The following COA1 variants were observed in gnomAD, a reference collection of about 807,000 sequenced individuals.
COA1 encodes the protein cytochrome c oxidase assembly factor 1 homolog.
Under a neutral mutation model 16.0 loss-of-function variants are expected in COA1, and 13 were observed. The ratio of observed to expected loss-of-function variants is 0.81; its 90% CI spans 0.53 to 1.29. The LOEUF is 1.29. Ranked by LOEUF, COA1 falls within the 50% of genes most tolerant of loss-of-function variation. COA1 has a pLI of 0.00. For synonymous variants in COA1, 65 were observed against 65.7 expected (o/e 0.99, Z 0.05); for missense variants, 179 against 177.0 (o/e 1.01, Z -0.06).
At chr7:43,692,322 C>T (rs182613768) in intron 1 of COA1, among the ~76,000 whole-genome samples, 225 of 152,260 alleles carry the variant, frequency 1.5e-3, no homozygotes, top group African/African-American at 5.0e-3. Flanking sequence ...AGTTCAAGAC[C>T]AGCCTACGCA....
rs34433297 is a variant in COA1 at position 43,708,459 on chromosome 7, T to TA, written c.-39+20969dup. 2.5e-3 allele frequency among the ~76,000 whole-genome samples: 360 copies of TA among 142,798 alleles called. 1 individual carries two copies. The highest frequency in any genetic ancestry group is 0.011 in the Middle Eastern group (3 of 282). The allele number at this position is 142,798 out of a possible 152,430, so 93.7% of individuals were successfully genotyped here. A position where few individuals can be genotyped will look rare whatever the true frequency, so the allele number is the denominator to read the frequency against. ...CTGGGTAACAAAGCAAGACCTTTTC[T>TA]AAAAAAAAAAAAAAATTCCTTGCTC... On this transcript the variant is annotated intron_variant, in intron 1 of 5. Coordinates refer to ENST00000223336, the MANE Select transcript of COA1 (RefSeq NM_018224.4).
intron 1 of COA1, among the ~76,000 whole-genome samples, chr7:43,658,307 C>T (rs1425113753): frequency 1.3e-5 from 2 of 151,264 alleles, no homozygotes; most frequent in Non-Finnish European, 2.9e-5. Flanking sequence ...TGCAGTGAGC[C>T]GAGATTGCGC....
At chr7:43,643,731 T>C (rs955416139) in intron 4 of COA1, among the ~76,000 whole-genome samples, 1 of 152,230 alleles carries the variant, frequency 6.6e-6, no homozygotes, top group Non-Finnish European at 1.5e-5. Context: ...TGCACACCAG[T>C]GTGGCCACAT....
rs943377521 is a variant in COA1, at chr7:43,698,641, T to C, written c.-39+30788A>G. ...TGAGCCAACAGTGACGCCAGCCAACTAGCTCTGACAACCTTATTATGCTAA... is the reference window on the plus strand; with the variant it reads ...TGAGCCAACAGTGACGCCAGCCAACCAGCTCTGACAACCTTATTATGCTAA... On this transcript the variant is annotated intron_variant, in intron 1 of 5. Coordinates refer to ENST00000223336, the MANE Select transcript of COA1 (RefSeq NM_018224.4). 2.0e-5 allele frequency among the ~76,000 whole-genome samples: 3 copies of C among 152,344 alleles called. No individual in the cohort carries two copies. The South Asian group carries it at 6.2e-4, about 32-fold the overall frequency.
intron 1 of COA1, among the ~76,000 whole-genome samples, chr7:43,707,341 C>T (rs904125138): frequency 1.3e-5 from 2 of 152,166 alleles, no homozygotes; most frequent in African/African-American, 2.4e-5. Context: ...TGAATATTTA[C>T]TGGGTATTAA....
At chr7:43,689,673 C>T (rs1198311399) in intron 1 of COA1, among the ~76,000 whole-genome samples, 1 of 152,058 alleles carries the variant, frequency 6.6e-6, no homozygotes, top group Non-Finnish European at 1.5e-5. Context: ...AAGTTAATGA[C>T]TAAAGCAAAC....
chr7:43,725,367 T>C (rs1326027096), intron 1 of COA1, among the ~76,000 whole-genome samples: 2 of 152,238 alleles, frequency 1.3e-5, no homozygotes, highest in Non-Finnish European at 2.9e-5. Context: ...CAATTTTATG[T>C]TATGTATATT....
chr7:43,691,841 G>A (rs1453371967), intron 1 of COA1, among the ~76,000 whole-genome samples: 3 of 152,168 alleles, frequency 2.0e-5, no homozygotes, highest in East Asian at 1.9e-4. Flanking sequence ...CTGTGCTCCC[G>A]GGTTCAAACT....
At chr7:43,644,817 G>GAGAGAGAGAGAGAGAGACAGAGAC (rs1554501890) in intron 4 of COA1, among the ~76,000 whole-genome samples, 1 of 126,614 alleles carries the variant, frequency 7.9e-6, no homozygotes, top group Non-Finnish European at 1.9e-5. Context: ...GAGAGAGAGA[G>GAGAGAGAGAGAGAGAGACAGAGAC]AGAGAGAGAG....
At position 43,640,627 on chromosome 7, in the gene COA1, G is replaced by T; in HGVS notation, c.287C>A (p.Ser96Tyr). ...DAKLKIPVSG[S>Y]KSEGLLYVHS... is the part of the protein sequence containing the mutation. Reference sequence around the variant, plus strand: ...GACGTAGAGAAGGCCCTCTGATTTGGATCCAGAGACAGGAATCTTCAACTG... The same window carrying T: ...GACGTAGAGAAGGCCCTCTGATTTGTATCCAGAGACAGGAATCTTCAACTG... The change falls in exon 5 of 6, where the codon TCC becomes TAC. Residue 96 changes from serine (S) to tyrosine (Y), a missense_variant. Ser to Tyr is a moderately radical substitution (Grantham distance 144). Coordinates refer to ENST00000223336, the MANE Select transcript of COA1 (RefSeq NM_018224.4). The T allele has an allele frequency of 6.2e-7, 1 of 1,606,930 alleles. No homozygotes were observed. Among genetic ancestry groups the T allele is most frequent in the Non-Finnish European group, 8.5e-7 (1 of 1,177,076 alleles).
intron 1 of COA1, among the ~76,000 whole-genome samples, chr7:43,719,027 A>T (rs2095452506): frequency 6.7e-6 from 1 of 149,904 alleles, no homozygotes; most frequent in Admixed American, 6.7e-5. Context: ...GCTGGAGTGC[A>T]GTGGCGTAAT....
At chr7:43,661,133 A>G (rs1457193737) in intron 1 of COA1, among the ~76,000 whole-genome samples, 1 of 152,230 alleles carries the variant, frequency 6.6e-6, no homozygotes, top group Non-Finnish European at 1.5e-5. Flanking sequence ...TCTTTCACCT[A>G]TACTTTCACA....
chr7:43,659,381 G>A (rs981412867), intron 1 of COA1, among the ~76,000 whole-genome samples: 1 of 152,166 alleles, frequency 6.6e-6, no homozygotes, highest in East Asian at 1.9e-4. Context: ...AGAAAACCAT[G>A]ATTTCTAAAT....
intron 1 of COA1, among the ~76,000 whole-genome samples, chr7:43,667,483 G>A (rs1381894206): frequency 6.6e-6 from 1 of 152,032 alleles, no homozygotes; most frequent in Non-Finnish European, 1.5e-5. Context: ...TCATAATTAA[G>A]GGTAAAGTTA....
At chr7:43,664,149 GGCTGGATTGTAATAGCTATTAACT>G (rs2092715442) in intron 1 of COA1, among the ~76,000 whole-genome samples, 1 of 145,704 alleles carries the variant, frequency 6.9e-6, no homozygotes, top group Admixed American at 6.8e-5. Context: ...ATATTGCCCA[GGCTGGATTGTAATAGCTATTAACT>G]GCTGTGATCA....
chr7:43,703,486 G>C (rs1362501872), intron 1 of COA1, among the ~76,000 whole-genome samples: 1 of 152,172 alleles, frequency 6.6e-6, no homozygotes, highest in Non-Finnish European at 1.5e-5. Context: ...AGGTCTCTAA[G>C]AATTTGTTTT....
chr7:43,728,906 A>G lies in COA1; in HGVS notation c.-39+523T>C, dbSNP rs144892896. ...CACACATACAGACTGATAGGCACTG[A>G]TATATACATAAATACATCCAATGTC... On this transcript the variant is annotated intron_variant, in intron 1 of 5. Coordinates refer to ENST00000223336, the MANE Select transcript of COA1 (RefSeq NM_018224.4). Among the ~76,000 whole-genome samples the G allele has an allele frequency of 3.4e-3, 524 of 152,356 alleles. 2 individuals carry two copies. Among genetic ancestry groups the G allele is most frequent in the African/African-American group, 0.012 (496 of 41,584 alleles).
intron 6 of COA1, among the ~76,000 whole-genome samples, chr7:43,629,154 T>C (rs1181049423): frequency 6.6e-6 from 1 of 152,220 alleles, no homozygotes; most frequent in Non-Finnish European, 1.5e-5. Context: ...CGGTCTAAAA[T>C]CATTTGACCA....
intron 6 of COA1, among the ~76,000 whole-genome samples, chr7:43,633,649 G>A (rs562199960): frequency 6.6e-6 from 1 of 152,278 alleles, no homozygotes; most frequent in East Asian, 1.9e-4. Flanking sequence ...TGTTGAAAAA[G>A]TGGCACCAAA....
Sources: allele counts gnomAD v4.1 joint callset (sites outside exome capture counted in the v4.1 genomes callset), GRCh38; gene constraint gnomAD v4.1.1; transcripts MANE v1.5; gene names NCBI Gene and HGNC (gene_info 2026-07-23, HGNC 2026-07-21).